TMBIM4: variants seen among roughly 807,000 people sequenced by gnomAD.
TMBIM4 encodes the protein transmembrane BAX inhibitor motif containing 4.
TMBIM4 carries 28 observed loss-of-function variants against 27.7 expected under a neutral mutation model. That is an observed-to-expected ratio of 1.01 (90% CI 0.75 to 1.38). TMBIM4 has a LOEUF of 1.38. Ranked by LOEUF, TMBIM4 falls within the 40% of genes most tolerant of loss-of-function variation. The pLI, the probability that TMBIM4 is intolerant of heterozygous loss-of-function variation, is 0.00. For missense variants in TMBIM4, 265 were observed against 277.5 expected (o/e 0.95, Z 0.32); for synonymous variants, 115 against 113.1 (o/e 1.02, Z -0.11).
chr12:66,138,939 T>C (rs911747816), intron 5 of TMBIM4, 170 bp from the exon 6 acceptor site: 1 of 1,000,780 alleles, frequency 1.0e-6, no homozygotes, highest in Non-Finnish European at 1.3e-6. Context: ...CTTGGATCTT[T>C]TTTTTAAAGA....
chr12:66,146,106 A>G, intron 4 of TMBIM4, 148 bp from the exon 5 acceptor site: 1 of 525,212 alleles, frequency 1.9e-6, no homozygotes, highest in Non-Finnish European at 3.4e-6. Context: ...ATCCTTGACT[A>G]CATGGGTACA....
Position 66,137,900 on chromosome 12 carries a change from A to C in TMBIM4, c.*60T>G. On this transcript the variant is annotated 3_prime_UTR_variant, in exon 7 of 7. Coordinates refer to ENST00000358230, the MANE Select transcript of TMBIM4 (RefSeq NM_016056.4). ...TCTATATACTGCTTCCAATTACTTTAATCCTTTTTTCTCATTAAATTTTTT... is the reference window on the plus strand; with the variant it reads ...TCTATATACTGCTTCCAATTACTTTCATCCTTTTTTCTCATTAAATTTTTT... 1 of 1,422,692 alleles carries C rather than the reference A, an allele frequency of 7.0e-7. No homozygotes were observed. The highest frequency in any genetic ancestry group is 9.8e-7 in the Non-Finnish European group (1 of 1,016,300). 88.1% of individuals were successfully genotyped at this position (1,422,692 alleles called of 1,614,324 possible).
intron 5 of TMBIM4, among the ~76,000 whole-genome samples, chr12:66,143,642 C>T (rs2051704954): frequency 6.6e-6 from 1 of 152,154 alleles, no homozygotes; most frequent in African/African-American, 2.4e-5. Context: ...GTTGTAAAAA[C>T]ATCACAGCTT....
chr12:66,166,285 C>T (rs1185828639), intron 1 of TMBIM4, among the ~76,000 whole-genome samples: 4 of 151,704 alleles, frequency 2.6e-5, no homozygotes, highest in South Asian at 2.1e-4. Context: ...ACTAACATGA[C>T]GAAACCTGTC....
At chr12:66,164,110 T>C (rs1462421114) in intron 1 of TMBIM4, among the ~76,000 whole-genome samples, 1 of 152,168 alleles carries the variant, frequency 6.6e-6, no homozygotes, top group East Asian at 1.9e-4. Flanking sequence ...AAAAAGCTTT[T>C]GACAAAATTC....
In TMBIM4 at chr12:66,152,278, A is replaced by G; in HGVS notation, c.305T>C (p.Phe102Ser). 1 of 1,580,306 alleles carries G rather than the reference A, an allele frequency of 6.3e-7. No individual in the cohort carries two copies. Among genetic ancestry groups the G allele is most frequent in the East Asian group, 2.3e-5 (1 of 43,208 alleles). Residue 102 changes from phenylalanine (F) to serine (S), a missense_variant, in exon 3 of 7, where the codon TTT becomes TCT. Physicochemically the swap from Phe to Ser is radical, Grantham distance 155 (BLOSUM62 -2). Transcript: ENST00000358230. Reference protein sequence around the residue: ...HKYPLNLYLLFGFTLLEALTV... With the variant: ...HKYPLNLYLLSGFTLLEALTV... ...GAAAGTCAGAGTACTCACAAATCCA[A>G]AAAGTAGGTACAGGTTAAGGGGATA...
chr12:66,152,634 C>T (rs904611715), intron 2 of TMBIM4, among the ~76,000 whole-genome samples: 4 of 151,946 alleles, frequency 2.6e-5, no homozygotes, highest in African/African-American at 9.7e-5. Context: ...AAACTTCTAT[C>T]ACATTTGAAT....
At chr12:66,166,001 GTCC>G (rs1423148829) in intron 1 of TMBIM4, among the ~76,000 whole-genome samples, 2 of 152,098 alleles carry the variant, frequency 1.3e-5, no homozygotes, top group African/African-American at 4.8e-5. Context: ...CAAATCCAAT[GTCC>G]TCCTATGTTT....
chr12:66,157,198 A>G (rs1486632373), intron 1 of TMBIM4, among the ~76,000 whole-genome samples: 3 of 152,174 alleles, frequency 2.0e-5, no homozygotes, highest in Non-Finnish European at 4.4e-5. Flanking sequence ...ATAGCACCCC[A>G]TTAAGAATGC....
At chr12:66,144,751 A>G (rs1156442099) in intron 5 of TMBIM4, 1 of 152,208 alleles carries the variant, frequency 6.6e-6, no homozygotes, top group Non-Finnish European at 1.5e-5. Flanking sequence ...CTGAACACTT[A>G]AAGAAAGAAA....
At chr12:66,169,761 G>T in intron 1 of TMBIM4, 94 bp downstream of exon 1, 2 of 1,003,412 alleles carry the variant, frequency 2.0e-6, no homozygotes, top group Non-Finnish European at 2.8e-6. Context: ...AGTCCCAGGA[G>T]ATGGCCGCTC....
chr12:66,149,669 T>A (rs546981003), intron 3 of TMBIM4, among the ~76,000 whole-genome samples: 1 of 152,250 alleles, frequency 6.6e-6, no homozygotes, highest in South Asian at 2.1e-4. Flanking sequence ...CGAGTTACAA[T>A]GGGGTTACAT....
At chr12:66,148,352 T>C (rs1337934186) in intron 3 of TMBIM4, among the ~76,000 whole-genome samples, 1 of 152,156 alleles carries the variant, frequency 6.6e-6, no homozygotes, top group East Asian at 1.9e-4. Flanking sequence ...GTCTTGAAAG[T>C]GTTTCCCAAT....
At chr12:66,149,939 T>C (rs1028796324) in intron 3 of TMBIM4, among the ~76,000 whole-genome samples, 3 of 152,150 alleles carry the variant, frequency 2.0e-5, no homozygotes, top group Non-Finnish European at 2.9e-5. Context: ...CCTCCTTTCT[T>C]ATCTTGGTGG....
chr12:66,150,680 G>A (rs139702791), intron 3 of TMBIM4, among the ~76,000 whole-genome samples: 3,182 of 152,172 alleles, frequency 0.021, 128 homozygotes, highest in African/African-American at 0.071. Flanking sequence ...CCCAAAGTGC[G>A]GGGATCACAC....
intron 5 of TMBIM4, among the ~76,000 whole-genome samples, chr12:66,139,256 AT>A (rs533201948): frequency 2.0e-5 from 3 of 152,320 alleles, no homozygotes; most frequent in African/African-American, 7.2e-5. Flanking sequence ...CACTGCTATA[AT>A]TTTATGAGTT....
chr12:66,142,160 A>T (rs1212429515), intron 5 of TMBIM4, among the ~76,000 whole-genome samples: 1 of 152,018 alleles, frequency 6.6e-6, no homozygotes, highest in Non-Finnish European at 1.5e-5. Context: ...CTATTTGGTG[A>T]AATGAAGGCA....
At position 66,153,448 on chromosome 12, in the gene TMBIM4, G is replaced by A. The variant is rs754293050; in HGVS notation, c.98C>T (p.Ala33Val). 1 of 1,529,058 alleles carries A rather than the reference G, an allele frequency of 6.5e-7. No individual in the cohort carries two copies. Among genetic ancestry groups the A allele is most frequent in the Non-Finnish European group, 8.9e-7 (1 of 1,128,934 alleles). 94.7% of individuals were successfully genotyped at this position (1,529,058 alleles called of 1,614,324 possible). A position where few individuals can be genotyped will look rare whatever the true frequency, so the allele number is the denominator to read the frequency against. Reference sequence around the variant, plus strand: ...AATGCTGTAGACTTTTCTCAGAAAGGCTAAAAGAGAAAAAAAATTACATTA... The same window carrying A: ...AATGCTGTAGACTTTTCTCAGAAAGACTAAAAGAGAAAAAAAATTACATTA... Reference protein sequence around the residue: ...VASATVHIRMAFLRKVYSILS... With the variant: ...VASATVHIRMVFLRKVYSILS... The change falls in exon 2 of 7, where the codon GCC (alanine) becomes GTC (valine). Residue 33 changes from alanine (A) to valine (V), a missense_variant and splice_region_variant. Physicochemically the swap from Ala to Val is moderately conservative, Grantham distance 64 (BLOSUM62 0). Coordinates refer to ENST00000358230, the MANE Select transcript of TMBIM4 (RefSeq NM_016056.4).
At chr12:66,153,204 G>T in intron 2 of TMBIM4, 136 bp downstream of exon 2, 1 of 592,100 alleles carries the variant, frequency 1.7e-6, no homozygotes. Flanking sequence ...AAACTAATCA[G>T]GCTTATAAGA....
Sources: gnomAD v4.1 joint callset for allele counts (sites outside exome capture counted in the v4.1 genomes callset) on GRCh38, gnomAD v4.1.1 for gene constraint, MANE v1.5 for transcripts, NCBI Gene and HGNC (gene_info 2026-07-23, HGNC 2026-07-21) for gene names.